Variants in INSC observed in about 807,000 individuals in gnomAD.
INSC encodes INSC spindle orientation adaptor protein.
Under a neutral mutation model 58.6 loss-of-function variants are expected in INSC, and 67 were observed. The observed-to-expected ratio is 1.14, with a 90% CI of 0.94 to 1.40. The LOEUF is 1.40. INSC is among the 40% of genes most tolerant of loss of function. The pLI is 0.00. For synonymous variants in INSC, 262 were observed against 276.1 expected (o/e 0.95, Z 0.51); for missense variants, 714 against 692.0 (o/e 1.03, Z -0.36).
intron 5 of INSC, chr11:15,184,647 G>C (rs1399197885): frequency 6.6e-6 from 1 of 152,240 alleles, no homozygotes; most frequent in East Asian, 1.9e-4. Flanking sequence ...GCCTGCCTCG[G>C]CCTCACCAAG....
chr11:15,233,535 C>T (rs1038501622), intron 9 of INSC, among the ~76,000 whole-genome samples: 4 of 152,156 alleles, frequency 2.6e-5, no homozygotes, highest in Non-Finnish European at 4.4e-5. Flanking sequence ...TCCAGAAAAC[C>T]ACATGGGGTA....
At chr11:15,158,785 G>A (rs928624428) in intron 2 of INSC, among the ~76,000 whole-genome samples, 1 of 151,344 alleles carries the variant, frequency 6.6e-6, no homozygotes, top group African/African-American at 2.4e-5. Flanking sequence ...GAGAGGGCTT[G>A]GACACTGCCT....
intron 6 of INSC, among the ~76,000 whole-genome samples, chr11:15,196,457 T>C (rs998386329): frequency 3.4e-5 from 5 of 147,642 alleles, no homozygotes; most frequent in African/African-American, 1.3e-4. Context: ...ATCTAGAGTC[T>C]TTCCCTTTCC....
At chr11:15,163,396 G>GTATGTAGTA (rs1236474864) in intron 2 of INSC, among the ~76,000 whole-genome samples, 1 of 151,970 alleles carries the variant, frequency 6.6e-6, no homozygotes, top group Admixed American at 6.6e-5. Context: ...TTGCTTTTAT[G>GTATGTAGTA]TATGTAGTAT....
At chr11:15,138,711 T>C (rs1004122502) in intron 1 of INSC, among the ~76,000 whole-genome samples, 1 of 152,224 alleles carries the variant, frequency 6.6e-6, no homozygotes, top group Non-Finnish European at 1.5e-5. Flanking sequence ...GCCTGCTGGG[T>C]CAAAGTAGCT....
chr11:15,150,233 T>A (rs977303665), intron 2 of INSC, among the ~76,000 whole-genome samples: 8 of 152,180 alleles, frequency 5.3e-5, no homozygotes, highest in Non-Finnish European at 7.3e-5. Context: ...ATGGTCCACA[T>A]ACACAGAGAA....
intron 1 of INSC, 59 bp from the exon 2 acceptor site, chr11:15,149,071 A>C: frequency 6.7e-7 from 1 of 1,487,058 alleles, no homozygotes. Flanking sequence ...ACTGGGAGAG[A>C]AAGTGATTGT....
chr11:15,219,945 C>A (rs1851374832), intron 7 of INSC, among the ~76,000 whole-genome samples: 1 of 152,172 alleles, frequency 6.6e-6, no homozygotes, highest in South Asian at 2.1e-4. Context: ...TGGCATGAGT[C>A]CAGTTCTGCC....
intron 1 of INSC, among the ~76,000 whole-genome samples, chr11:15,119,274 G>A (rs542653057): frequency 6.6e-6 from 1 of 152,214 alleles, no homozygotes; most frequent in South Asian, 2.1e-4. Flanking sequence ...GGGTTGTGTG[G>A]GGATCTCTCC....
Position 15,221,469 on chromosome 11 carries a change from A to G in INSC, c.820-8A>G. 3 of 1,602,006 alleles carry G rather than the reference A, an allele frequency of 1.9e-6. No homozygotes were observed. Among genetic ancestry groups the G allele is most frequent in the Non-Finnish European group, 2.6e-6 (3 of 1,172,642 alleles). On this transcript the variant is annotated splice_polypyrimidine_tract_variant and splice_region_variant and intron_variant, in intron 7 of 12. Transcript: ENST00000379556. ...ATGCACAGGGGAGCTCCCTCTCTCC[A>G]TCTGCAGGTGGATGGCGTTCTGTGC...
chr11:15,122,567 T>C (rs1243227997), intron 1 of INSC, among the ~76,000 whole-genome samples: 2 of 152,224 alleles, frequency 1.3e-5, no homozygotes, highest in Non-Finnish European at 2.9e-5. Flanking sequence ...TTAGATTTCG[T>C]TGAATGACTC....
intron 6 of INSC, among the ~76,000 whole-genome samples, chr11:15,194,501 C>T (rs556453423): frequency 1.8e-4 from 27 of 152,206 alleles, no homozygotes; most frequent in Non-Finnish European, 2.6e-4. Flanking sequence ...CTCAGAATCA[C>T]TCATCTAAGC....
intron 1 of INSC, among the ~76,000 whole-genome samples, chr11:15,138,906 G>A (rs924012766): frequency 6.6e-6 from 1 of 152,094 alleles, no homozygotes; most frequent in East Asian, 1.9e-4. Flanking sequence ...TTGGATTTTC[G>A]AGACCTCACC....
intron 9 of INSC, among the ~76,000 whole-genome samples, chr11:15,228,695 G>A (rs371103016): frequency 1.3e-5 from 2 of 152,154 alleles, no homozygotes; most frequent in East Asian, 1.9e-4. Context: ...TGCCAATGAC[G>A]CCAATGCTGT....
chr11:15,119,888 G>T (rs754679828), intron 1 of INSC, among the ~76,000 whole-genome samples: 3 of 152,236 alleles, frequency 2.0e-5, no homozygotes, highest in Non-Finnish European at 4.4e-5. Flanking sequence ...TGTGGTGCTT[G>T]AACTGGAAAG....
intron 7 of INSC, among the ~76,000 whole-genome samples, chr11:15,212,569 G>A (rs990800436): frequency 6.6e-6 from 1 of 152,176 alleles, no homozygotes; most frequent in Non-Finnish European, 1.5e-5. Flanking sequence ...TTTAGTGCTG[G>A]CATCTTGCAC....
chr11:15,144,081 G>A (rs1848435727), intron 1 of INSC, among the ~76,000 whole-genome samples: 1 of 148,682 alleles, frequency 6.7e-6, no homozygotes, highest in Non-Finnish European at 1.5e-5. Context: ...CCTAAGTCAT[G>A]TGTTTTACTC....
At chr11:15,236,789 C>A (rs1052999584) in intron 10 of INSC, among the ~76,000 whole-genome samples, 1 of 152,204 alleles carries the variant, frequency 6.6e-6, no homozygotes, top group Admixed American at 6.5e-5. Flanking sequence ...CTTGCTAAAC[C>A]CCCTTCTCCC....
intron 2 of INSC, among the ~76,000 whole-genome samples, chr11:15,165,862 T>A (rs1266964954): frequency 1.3e-5 from 2 of 151,648 alleles, no homozygotes; most frequent in East Asian, 3.9e-4. Context: ...GCTGAACCAG[T>A]CTTTTGGGGG....
Sources: allele counts gnomAD v4.1 joint callset (sites outside exome capture counted in the v4.1 genomes callset), GRCh38; gene constraint gnomAD v4.1.1; transcripts MANE v1.5; gene names NCBI Gene and HGNC (gene_info 2026-07-23, HGNC 2026-07-21).